The following BBOX1 variants were observed in gnomAD, a reference collection of about 807,000 sequenced individuals.
BBOX1 encodes the protein gamma-butyrobetaine hydroxylase 1.
In BBOX1, 35 loss-of-function variants were observed where a neutral mutation model predicts 41.6. That is an observed-to-expected ratio of 0.84 (90% CI 0.64 to 1.11). BBOX1 has a LOEUF of 1.11. Among genes scored for constraint, BBOX1 ranks in the 50% most tolerant of loss-of-function variants. The pLI is 0.00. For synonymous variants in BBOX1, 163 were observed against 154.7 expected, an observed-to-expected ratio of 1.05 and a Z score of -0.40; for missense variants, 458 against 460.6, an observed-to-expected ratio of 0.99 and a Z score of 0.05.
intron 4 of BBOX1, among the ~76,000 whole-genome samples, chr11:27,059,014 A>C (rs1857064913): frequency 6.6e-6 from 1 of 152,238 alleles, no homozygotes. Context: ...CAAGACAACA[A>C]GAAAAAGCCT....
In BBOX1 at chr11:27,096,945, C is replaced by G. The variant is rs1346835905; in HGVS notation, c.533+3579C>G. The stretch of plus-strand genomic sequence containing the variant: ...TTCCACATCTGTATTTTCTCAGATG[C>G]TTGTCATTATTTTGTCAGCACATCA... On this transcript the variant is annotated intron_variant, in intron 5 of 8. Transcript: ENST00000263182. Among the ~76,000 whole-genome samples, 3 of 151,948 alleles carry G rather than the reference C, an allele frequency of 2.0e-5. 1 individual carries two copies. Among genetic ancestry groups the G allele is most frequent in the South Asian group, 4.1e-4 (2 of 4,834 alleles).
intron 8 of BBOX1, among the ~76,000 whole-genome samples, chr11:27,126,738 T>C (rs779872981): frequency 2.2e-4 from 33 of 150,232 alleles, no homozygotes; most frequent in Non-Finnish European, 4.0e-4. Context: ...TACAGTGGCG[T>C]GATCTCGGCT....
intron 5 of BBOX1, among the ~76,000 whole-genome samples, chr11:27,099,415 G>A (rs1234570408): frequency 6.6e-6 from 1 of 151,572 alleles, no homozygotes; most frequent in Non-Finnish European, 1.5e-5. Context: ...GAAGGCAAGA[G>A]GCAATAGGAA....
At chr11:27,044,374 C>A (rs1590158855) in intron 2 of BBOX1, among the ~76,000 whole-genome samples, 1 of 152,188 alleles carries the variant, frequency 6.6e-6, no homozygotes, top group East Asian at 1.9e-4. Context: ...AAATTTTCTC[C>A]CATTCGGTAG....
intron 5 of BBOX1, among the ~76,000 whole-genome samples, chr11:27,093,849 C>A (rs1001071006): frequency 2.0e-5 from 3 of 151,870 alleles, no homozygotes; most frequent in African/African-American, 7.2e-5. Context: ...ATATGGACAC[C>A]AGTCCTATTA....
At chr11:27,063,369 A>G (rs1227016788) in intron 4 of BBOX1, among the ~76,000 whole-genome samples, 1 of 152,138 alleles carries the variant, frequency 6.6e-6, no homozygotes, top group African/African-American at 2.4e-5. Flanking sequence ...CATTCCCAAC[A>G]TATAACTGGC....
intron 7 of BBOX1, among the ~76,000 whole-genome samples, chr11:27,124,329 A>C (rs1859569483): frequency 1.3e-5 from 2 of 152,080 alleles, no homozygotes; most frequent in African/African-American, 4.8e-5. Flanking sequence ...GTTTGCATGC[A>C]TTCATCCTGT....
intron 2 of BBOX1, among the ~76,000 whole-genome samples, chr11:27,046,777 TA>T (rs1040061708): frequency 1.3e-5 from 2 of 152,136 alleles, no homozygotes; most frequent in African/African-American, 2.4e-5. Flanking sequence ...ATCATCTAAC[TA>T]AATTGCTATG....
chr11:27,092,075 A>G (rs1315288179), intron 4 of BBOX1, among the ~76,000 whole-genome samples: 2 of 151,974 alleles, frequency 1.3e-5, no homozygotes, highest in Non-Finnish European at 1.5e-5. Flanking sequence ...TAAAGCCACT[A>G]TCTGACGCCT....
chr11:27,096,134 T>C (rs978611604), intron 5 of BBOX1, among the ~76,000 whole-genome samples: 6 of 151,958 alleles, frequency 3.9e-5, no homozygotes, highest in East Asian at 1.9e-4. Flanking sequence ...CAGGTCTCCA[T>C]TGGGATAGAA....
At chr11:27,107,997 A>G (rs759299604) in intron 5 of BBOX1, among the ~76,000 whole-genome samples, 1 of 152,038 alleles carries the variant, frequency 6.6e-6, no homozygotes, top group Non-Finnish European at 1.5e-5. Context: ...CCATTAGGAG[A>G]ATGTTTTATG....
At chr11:27,062,704 G>C (rs1243422309) in intron 4 of BBOX1, among the ~76,000 whole-genome samples, 1 of 151,890 alleles carries the variant, frequency 6.6e-6, no homozygotes, top group Non-Finnish European at 1.5e-5. Flanking sequence ...GGTGCTACAA[G>C]GACTACCGGC....
intron 5 of BBOX1, among the ~76,000 whole-genome samples, chr11:27,100,797 G>C (rs1490019354): frequency 1.3e-5 from 2 of 152,080 alleles, no homozygotes; most frequent in African/African-American, 4.8e-5. Context: ...TTGAGGAAAT[G>C]TATGAGATAA....
At chr11:27,120,050 G>A (rs1444967398) in intron 7 of BBOX1, among the ~76,000 whole-genome samples, 1 of 151,998 alleles carries the variant, frequency 6.6e-6, no homozygotes, top group Non-Finnish European at 1.5e-5. Context: ...AGTATTAGAG[G>A]AAAAGTAACT....
chr11:27,050,099 G>A (rs1851624861), intron 2 of BBOX1, among the ~76,000 whole-genome samples: 1 of 152,096 alleles, frequency 6.6e-6, no homozygotes, highest in Non-Finnish European at 1.5e-5. Context: ...TCCACCATTT[G>A]TTGAAGAGAC....
At chr11:27,122,578 T>C (rs1859503978) in intron 7 of BBOX1, among the ~76,000 whole-genome samples, 3 of 152,160 alleles carry the variant, frequency 2.0e-5, no homozygotes, top group Admixed American at 2.0e-4. Context: ...TAATCAGTTA[T>C]AAGACAAGAT....
intron 5 of BBOX1, among the ~76,000 whole-genome samples, chr11:27,103,387 T>C (rs566672021): frequency 6.6e-6 from 1 of 152,276 alleles, no homozygotes; most frequent in Admixed American, 6.5e-5. Flanking sequence ...ATCTATTCTG[T>C]TCCTTTGCTT....
intron 2 of BBOX1, among the ~76,000 whole-genome samples, chr11:27,048,486 T>A (rs1489137323): frequency 6.6e-6 from 1 of 151,836 alleles, no homozygotes; most frequent in Admixed American, 6.6e-5. Flanking sequence ...TGTGTGTGTG[T>A]GTGTGTAGAC....
chr11:27,083,520 T>C lies in BBOX1; in HGVS notation c.335-9648T>C, dbSNP rs573964175. On this transcript the variant is annotated intron_variant, in intron 4 of 8. Transcript: ENST00000263182. The stretch of plus-strand genomic sequence containing the variant: ...CCCTCCTACCTAACACTCTTCCCCC[T>C]GCTCTTTGCATGACAGTCTTCTCTC... Among the ~76,000 whole-genome samples the C allele has an allele frequency of 2.4e-3, 363 of 152,182 alleles. 4 individuals carry two copies. The highest frequency in any genetic ancestry group is 0.017 in the South Asian group (84 of 4,814).
Sources: allele counts gnomAD v4.1 joint callset (sites outside exome capture counted in the v4.1 genomes callset), GRCh38; gene constraint gnomAD v4.1.1; transcripts MANE v1.5; gene names NCBI Gene and HGNC (gene_info 2026-07-23, HGNC 2026-07-21).